KAZN: variants seen among roughly 807,000 people sequenced by gnomAD.
KAZN encodes the protein kazrin.
KAZN carries 40 observed loss-of-function variants against 87.4 expected under a neutral mutation model. That is an observed-to-expected ratio of 0.46 (90% CI 0.36 to 0.60). The LOEUF is 0.60. Among genes scored for constraint, KAZN ranks in the 20% least tolerant of loss-of-function variants. The pLI is 0.00. For missense variants in KAZN, 898 were observed against 1,073.9 expected (o/e 0.84, Z 2.29); for synonymous variants, 466 against 458.3 (o/e 1.02, Z -0.22).
chr1:14,808,980 G>A (rs1200043088), intron 1 of KAZN, among the ~76,000 whole-genome samples: 2 of 152,144 alleles, frequency 1.3e-5, no homozygotes, highest in Admixed American at 6.5e-5. Flanking sequence ...GGAAGGGGTG[G>A]TGGTAAAACA....
At chr1:14,416,244 G>A (rs538084000) in intron 2 of KAZN, among the ~76,000 whole-genome samples, 6 of 152,222 alleles carry the variant, frequency 3.9e-5, no homozygotes, top group Admixed American at 1.3e-4. Context: ...TAACTCTAGG[G>A]GACCATCATT....
intron 1 of KAZN, among the ~76,000 whole-genome samples, chr1:13,911,991 T>C (rs1009935418): frequency 5.3e-5 from 8 of 152,222 alleles, no homozygotes; most frequent in African/African-American, 1.9e-4. Flanking sequence ...CCATTACTAT[T>C]GTTTTAAATC....
intron 1 of KAZN, among the ~76,000 whole-genome samples, chr1:14,063,277 G>A (rs1642866545): frequency 6.6e-6 from 1 of 152,092 alleles, no homozygotes; most frequent in Non-Finnish European, 1.5e-5. Flanking sequence ...AACTTGAATT[G>A]GTTGAGTACC....
chr1:15,103,691 C>A (rs757998367), intron 12 of KAZN, among the ~76,000 whole-genome samples: 1 of 152,122 alleles, frequency 6.6e-6, no homozygotes. Flanking sequence ...AACTGCTTAC[C>A]TTCCAAATAG....
At position 15,096,719 on chromosome 1, in the gene KAZN, G is replaced by T. The variant is rs1640822466; in HGVS notation, c.1547+1786G>T. Among the ~76,000 whole-genome samples the T allele has an allele frequency of 6.6e-6, 1 of 152,178 alleles. No homozygotes were observed. Among genetic ancestry groups the T allele is most frequent in the Non-Finnish European group, 1.5e-5 (1 of 68,028 alleles). On this transcript the variant is annotated intron_variant, in intron 10 of 14. Transcript: ENST00000376030. This position sits in a 1 kb window ranked among gnomAD's most constrained non-coding sequence, Gnocchi z 4.5. The stretch of plus-strand genomic sequence containing the variant: ...ACCTTCTTGCTGTGTCCTCACATGG[G>T]GAAGAAGGAAGAGGGAGGGGGAGAG...
Position 14,467,035 on chromosome 1 carries a change from T to C in KAZN, c.250-131948T>C, listed in dbSNP as rs150599944. 6.6e-3 allele frequency among the ~76,000 whole-genome samples: 1,012 copies of C among 152,292 alleles called. 3 individuals carry two copies. Among genetic ancestry groups the C allele is most frequent in the South Asian group, 0.021 (101 of 4,826 alleles). On this transcript the variant is annotated intron_variant, in intron 2 of 16. Transcript: ENST00000636203. ...ATTCACAGCAACAAAGGTAACTACA[T>C]TAGTAAACATAAAAGACAGTATAAA...
chr1:14,342,483 A>G (rs1251580635), intron 2 of KAZN, among the ~76,000 whole-genome samples: 2 of 152,200 alleles, frequency 1.3e-5, no homozygotes, highest in Non-Finnish European at 2.9e-5. Flanking sequence ...TACAAACTCT[A>G]TGAGGGCAGA....
chr1:14,096,104 G>T (rs1053267423), intron 1 of KAZN, among the ~76,000 whole-genome samples: 4 of 152,172 alleles, frequency 2.6e-5, no homozygotes, highest in Non-Finnish European at 4.4e-5. Flanking sequence ...TGATAGAAAA[G>T]ATTGGAATAA....
At chr1:13,899,361 G>A (rs1200022678) in intron 1 of KAZN, among the ~76,000 whole-genome samples, 2 of 152,216 alleles carry the variant, frequency 1.3e-5, no homozygotes, top group Non-Finnish European at 2.9e-5. Flanking sequence ...CTCTTAACTA[G>A]TTAGTAGTTG....
At chr1:14,905,340 G>A (rs548963749) in intron 1 of KAZN, among the ~76,000 whole-genome samples, 40 of 152,288 alleles carry the variant, frequency 2.6e-4, no homozygotes, top group South Asian at 6.2e-4. Context: ...GGAATAACAG[G>A]CGTGATCTAC....
intron 2 of KAZN, among the ~76,000 whole-genome samples, chr1:14,536,775 C>A (rs1002183760): frequency 2.0e-5 from 3 of 151,886 alleles, no homozygotes; most frequent in Non-Finnish European, 4.4e-5. Flanking sequence ...CCAGCTACTT[C>A]GGAGGCTGAG....
intron 1 of KAZN, among the ~76,000 whole-genome samples, chr1:14,797,240 T>C (rs1032307004): frequency 5.3e-5 from 8 of 152,102 alleles, no homozygotes; most frequent in African/African-American, 1.9e-4. Flanking sequence ...TTTGTATTTT[T>C]AGTAGAGACG....
chr1:14,198,494 G>A (rs1342028072), intron 2 of KAZN, among the ~76,000 whole-genome samples: 1 of 152,164 alleles, frequency 6.6e-6, no homozygotes, highest in African/African-American at 2.4e-5. Flanking sequence ...CAGCTACTCA[G>A]GAGGCTGAGG....
chr1:14,364,504 ATAGAG>A (rs1469859589), intron 2 of KAZN, among the ~76,000 whole-genome samples: 2 of 152,214 alleles, frequency 1.3e-5, no homozygotes, highest in African/African-American at 4.8e-5. Context: ...TGCTGGCCTA[ATAGAG>A]TTATTTAGCA....
At chr1:14,876,148 C>T (rs1283109936) in intron 1 of KAZN, among the ~76,000 whole-genome samples, 1 of 152,182 alleles carries the variant, frequency 6.6e-6, no homozygotes, top group Non-Finnish European at 1.5e-5. Context: ...ACCTCAGAGG[C>T]TTGCCGCGGA....
chr1:14,743,229 C>T (rs10803312), intron 1 of KAZN, among the ~76,000 whole-genome samples: 49,931 of 151,576 alleles, frequency 0.33, 8,705 homozygotes, highest in Middle Eastern at 0.46. Context: ...GTCAGGAGTT[C>T]GAGACCAGCC....
In KAZN at chr1:14,761,982, C is replaced by T. The variant is rs116162321; in HGVS notation, c.226+162759C>T. Among the ~76,000 whole-genome samples the T allele has an allele frequency of 3.9e-3, 585 of 150,828 alleles. 4 individuals carry two copies. Among genetic ancestry groups the T allele is most frequent in the African/African-American group, 0.013 (552 of 41,046 alleles). On this transcript the variant is annotated intron_variant, in intron 1 of 14. Coordinates refer to ENST00000376030, the MANE Select transcript of KAZN (RefSeq NM_201628.3). ...TCTAACAGATGCATCCTGTGTGTGA[C>T]GTGATCCTGCAGCAAGGCAAACCTC...
intron 1 of KAZN, among the ~76,000 whole-genome samples, chr1:14,756,103 A>G (rs1404750408): frequency 6.6e-6 from 1 of 152,096 alleles, no homozygotes. Flanking sequence ...GTTCCTCATA[A>G]CAAGCCCATC....
At chr1:15,058,445 C>T (rs770318947) in intron 5 of KAZN, among the ~76,000 whole-genome samples, 2 of 152,332 alleles carry the variant, frequency 1.3e-5, no homozygotes, top group African/African-American at 2.4e-5. Context: ...GCTGGCATGC[C>T]GCCTGCACAT....
Sources: gnomAD v4.1 joint callset for allele counts (sites outside exome capture counted in the v4.1 genomes callset) on GRCh38, gnomAD v4.1.1 for gene constraint, Gnocchi (gnomAD v3.1) non-coding constraint, MANE v1.5 for transcripts, NCBI Gene and HGNC (gene_info 2026-07-23, HGNC 2026-07-21) for gene names.